PPARGC1B: variants seen among roughly 807,000 people sequenced by gnomAD.
PPARGC1B encodes the protein peroxisome proliferator-activated receptor gamma coactivator 1-beta.
Under a neutral mutation model 101.6 loss-of-function variants are expected in PPARGC1B, and 34 were observed. That is an observed-to-expected ratio of 0.33 (90% confidence interval 0.25 to 0.45). The LOEUF (loss-of-function observed/expected upper bound fraction) is 0.45, where lower values mean the gene tolerates loss of function less well. Among genes scored for constraint, PPARGC1B ranks in the 20% least tolerant of loss-of-function variants. The pLI, the probability that PPARGC1B is intolerant of heterozygous loss-of-function variation, is 1.00. For missense variants in PPARGC1B, 1,234 were observed against 1,317.6 expected (o/e 0.94, Z 0.98); for synonymous variants, 548 against 539.3 (o/e 1.02, Z -0.22).
chr5:149,744,051 C>T (rs778852061), intron 1 of PPARGC1B, among the ~76,000 whole-genome samples: 1 of 152,158 alleles, frequency 6.6e-6, no homozygotes, highest in Non-Finnish European at 1.5e-5. Flanking sequence ...AGAGACTAGG[C>T]AGGCTGCCTG....
intron 2 of PPARGC1B, 127 bp downstream of exon 2, chr5:149,820,733 C>T: frequency 1.1e-6 from 1 of 932,250 alleles, no homozygotes; most frequent in Non-Finnish European, 1.6e-6. Flanking sequence ...CCCACCAAAG[C>T]TGTTGGGCCC....
rs905683873 is a variant in PPARGC1B at position 149,771,942 on chromosome 5, A to G, written c.78+41522A>G. 44 of 1,214,748 alleles carry G rather than the reference A, an allele frequency of 3.6e-5. No homozygotes were observed. In the African/African-American group the frequency reaches 5.8e-4, roughly 16 times the overall value. The allele number at this position is 1,214,748 out of a possible 1,614,324, so 75.2% of individuals were successfully genotyped here. On this transcript the variant is annotated intron_variant, in intron 1 of 11. Transcript: ENST00000309241. ...CCCAAGCTTTAGCATTCTGCTTTAC[A>G]TTCTCATTTTAATCCTCAAGCAACT...
At chr5:149,777,024 CAAG>C (rs1294574398) in intron 1 of PPARGC1B, among the ~76,000 whole-genome samples, 1 of 152,156 alleles carries the variant, frequency 6.6e-6, no homozygotes, top group Admixed American at 6.5e-5. Context: ...TTTCAGTTTG[CAAG>C]AAGGAGGTTA....
intron 1 of PPARGC1B, among the ~76,000 whole-genome samples, chr5:149,744,421 G>A (rs1755017066): frequency 6.6e-6 from 1 of 152,180 alleles, no homozygotes; most frequent in African/African-American, 2.4e-5. Flanking sequence ...ATTAGTGAGG[G>A]GGCTGAGGGG....
chr5:149,751,805 CT>C (rs1755318308), intron 1 of PPARGC1B, among the ~76,000 whole-genome samples: 1 of 152,122 alleles, frequency 6.6e-6, no homozygotes, highest in Non-Finnish European at 1.5e-5. Context: ...GTAGGTTTCA[CT>C]TCTCCCCAAG....
chr5:149,772,266 C>A, intron 1 of PPARGC1B: 1 of 1,535,482 alleles, frequency 6.5e-7, no homozygotes, highest in Non-Finnish European at 8.8e-7. Flanking sequence ...TGTGATGTGG[C>A]GATGGTGGGT....
intron 1 of PPARGC1B, among the ~76,000 whole-genome samples, chr5:149,812,679 G>A (rs556831631): frequency 6.6e-6 from 1 of 152,348 alleles, no homozygotes; most frequent in African/African-American, 2.4e-5. Context: ...CCCTTTGCAG[G>A]TAGTGGCAAA....
chr5:149,772,339 G>A (rs1347769816), intron 1 of PPARGC1B, among the ~76,000 whole-genome samples: 1 of 152,194 alleles, frequency 6.6e-6, no homozygotes, highest in Non-Finnish European at 1.5e-5. Flanking sequence ...TGCTGGTGAT[G>A]CAGCCAGTCT....
rs1341684245 is a variant in PPARGC1B at position 149,833,085 on chromosome 5, G to A, written c.1012G>A (p.Ala338Thr). The change falls in exon 5 of 12, where the codon GCT becomes ACT. Residue 338 changes from alanine (A) to threonine (T), a missense_variant. This residue lies in a region of PPARGC1B where 734 missense variants were observed against 768.4 expected (regional missense o/e 0.96). Transcript: ENST00000309241. This position sits in a 1 kb window ranked among gnomAD's most constrained non-coding sequence, Gnocchi z 4.1. ...CCGGCACCACTCCAAAGCCTCCTGG[G>A]CTGAGTTCTCCATTCTGAGGGAACT... Reference protein sequence around the residue: ...WSRHHSKASWAEFSILRELLA... With the variant: ...WSRHHSKASWTEFSILRELLA... 1 of 1,613,810 alleles carries A rather than the reference G, an allele frequency of 6.2e-7. No individual in the cohort carries two copies. The highest frequency in any genetic ancestry group is 8.5e-7 in the Non-Finnish European group (1 of 1,180,046).
At chr5:149,732,696 G>C in intron 1 of PPARGC1B, 1 of 426,806 alleles carries the variant, frequency 2.3e-6, no homozygotes, top group Non-Finnish European at 4.8e-6. Context: ...AGAAGGCTCG[G>C]AGAGCCCAGC....
At chr5:149,830,705 G>A in intron 3 of PPARGC1B, 62 bp from the exon 4 acceptor site, 4 of 1,243,128 alleles carry the variant, frequency 3.2e-6, no homozygotes, top group Non-Finnish European at 4.7e-6. Context: ...GGCTGGCCAT[G>A]CAGTCCATGT....
chr5:149,790,336 G>A (rs958010014), intron 1 of PPARGC1B, among the ~76,000 whole-genome samples: 6 of 152,042 alleles, frequency 3.9e-5, no homozygotes, highest in Non-Finnish European at 8.8e-5. Flanking sequence ...TCCTAGCTGT[G>A]TGGAAGCCTG....
chr5:149,847,645 G>A lies in PPARGC1B; in HGVS notation c.*87G>A. ...ACGTTTTCAAAGAAATCAAGTATAT[G>A]AGGAGAGCGAGCGAGCGTGAGAGAA... is the stretch of plus-strand genomic sequence containing the variant. On this transcript the variant is annotated 3_prime_UTR_variant, in exon 12 of 12. Coordinates refer to ENST00000309241, the MANE Select transcript of PPARGC1B (RefSeq NM_133263.4). The A allele has an allele frequency of 9.8e-7, 1 of 1,016,656 alleles. No individual in the cohort carries two copies. The highest frequency in any genetic ancestry group is 1.5e-6 in the Non-Finnish European group (1 of 660,424). 63.0% of individuals were successfully genotyped at this position (1,016,656 alleles called of 1,614,324 possible).
At chr5:149,774,911 C>T (rs772661577) in intron 1 of PPARGC1B, among the ~76,000 whole-genome samples, 17 of 152,136 alleles carry the variant, frequency 1.1e-4, no homozygotes, top group African/African-American at 1.9e-4. Context: ...TCCCTACTCG[C>T]GCTTCCCAGG....
At chr5:149,744,036 T>C (rs1352406259) in intron 1 of PPARGC1B, among the ~76,000 whole-genome samples, 1 of 151,942 alleles carries the variant, frequency 6.6e-6, no homozygotes, top group Non-Finnish European at 1.5e-5. Context: ...ACCCACTTAC[T>C]CCAGAGAGAC....
chr5:149,740,667 C>G (rs1221420841), intron 1 of PPARGC1B, among the ~76,000 whole-genome samples: 1 of 152,216 alleles, frequency 6.6e-6, no homozygotes, highest in African/African-American at 2.4e-5. Flanking sequence ...CACTTACTAG[C>G]TATGTGACCT....
intron 1 of PPARGC1B, among the ~76,000 whole-genome samples, chr5:149,769,590 G>C (rs1445592452): frequency 1.3e-5 from 2 of 152,170 alleles, no homozygotes; most frequent in African/African-American, 4.8e-5. Flanking sequence ...TACGTTGAAT[G>C]GGGGCTGTAG....
intron 1 of PPARGC1B, among the ~76,000 whole-genome samples, chr5:149,807,553 C>A (rs1297126919): frequency 1.3e-5 from 2 of 152,174 alleles, no homozygotes; most frequent in Admixed American, 6.5e-5. Context: ...CAGTCTCTTT[C>A]TTTTCTTAAG....
At chr5:149,822,269 C>T (rs1473680268) in intron 2 of PPARGC1B, among the ~76,000 whole-genome samples, 1 of 152,156 alleles carries the variant, frequency 6.6e-6, no homozygotes, top group African/African-American at 2.4e-5. Flanking sequence ...TGGCCAGACC[C>T]ACCAGTAAGC....
Sources: gnomAD v4.1 joint callset for allele counts (sites outside exome capture counted in the v4.1 genomes callset) on GRCh38, gnomAD v4.1.1 for gene constraint, gnomAD v4.1.1 regional missense constraint, Gnocchi (gnomAD v3.1) non-coding constraint, MANE v1.5 for transcripts, NCBI Gene and HGNC (gene_info 2026-07-23, HGNC 2026-07-21) for gene names.